The following CSMD1 variants were observed in gnomAD, a reference collection of about 807,000 sequenced individuals.
CSMD1 encodes CUB and sushi domain-containing protein 1.
In CSMD1, 213 loss-of-function variants were observed where a neutral mutation model predicts 417.5. The ratio of observed to expected loss-of-function variants is 0.51; its 90% confidence interval spans 0.46 to 0.57. The LOEUF (loss-of-function observed/expected upper bound fraction) is 0.57, where lower values mean the gene tolerates loss of function less well. Ranked by LOEUF, CSMD1 falls within the 20% of genes least tolerant of loss-of-function variation. The pLI is 0.00. For synonymous variants in CSMD1, 2,862 were observed against 1,736.8 expected (o/e 1.65, Z -16.11); for missense variants, 6,923 against 4,529.7 (o/e 1.53, Z -15.17).
At chr8:4,110,317 A>C (rs893003456) in intron 3 of CSMD1, among the ~76,000 whole-genome samples, 34 of 152,124 alleles carry the variant, frequency 2.2e-4, no homozygotes, top group African/African-American at 8.0e-4. Flanking sequence ...ATTTCCCAGG[A>C]ACTTGTGAAT....
chr8:3,670,571 T>C (rs985335147), intron 7 of CSMD1, among the ~76,000 whole-genome samples: 1 of 147,024 alleles, frequency 6.8e-6, no homozygotes, highest in African/African-American at 2.5e-5. Flanking sequence ...GCGATATATA[T>C]ATATGGGATA....
At chr8:3,379,245 A>G (rs1810489054) in intron 18 of CSMD1, among the ~76,000 whole-genome samples, 1 of 152,218 alleles carries the variant, frequency 6.6e-6, no homozygotes, top group African/African-American at 2.4e-5. Flanking sequence ...AGGAAATAAG[A>G]GAGGACACAA....
chr8:4,205,309 A>G (rs761996970), intron 3 of CSMD1, among the ~76,000 whole-genome samples: 1 of 152,210 alleles, frequency 6.6e-6, no homozygotes, highest in Non-Finnish European at 1.5e-5. Flanking sequence ...GATTATTGTT[A>G]TTTACTCAGA....
intron 3 of CSMD1, among the ~76,000 whole-genome samples, chr8:4,150,891 G>C (rs7813436): frequency 0.99 from 150,612 of 152,250 alleles, 74,511 homozygotes; most frequent in Middle Eastern, 1. Flanking sequence ...AGAAACGCCT[G>C]AGAAAGAGCA....
intron 1 of CSMD1, among the ~76,000 whole-genome samples, chr8:4,820,274 G>T (rs533251783): frequency 2.0e-4 from 30 of 152,258 alleles, no homozygotes; most frequent in South Asian, 1.5e-3. Context: ...ACTACAGACT[G>T]CCAGGAACAC....
intron 3 of CSMD1, among the ~76,000 whole-genome samples, chr8:4,345,771 G>A (rs780303870): frequency 4.6e-5 from 7 of 152,010 alleles, no homozygotes; most frequent in Non-Finnish European, 1.0e-4. Flanking sequence ...TCTCAACCCC[G>A]TTAAAATGCT....
chr8:3,591,966 G>C lies in CSMD1; in HGVS notation c.1098-5706C>G, dbSNP rs543134085. ...ACACAGATGCATGGATAGATGAATG[G>C]ATGGAAAGATAGATTGATAGATAAA... is the stretch of plus-strand genomic sequence containing the variant. On this transcript the variant is annotated intron_variant, in intron 8 of 69. Coordinates refer to ENST00000635120, the MANE Select transcript of CSMD1 (RefSeq NM_033225.6). 2.1e-4 allele frequency among the ~76,000 whole-genome samples: 32 copies of C among 152,244 alleles called. No homozygotes were observed. The East Asian group carries it at 3.1e-3, about 15-fold the overall frequency.
intron 1 of CSMD1, among the ~76,000 whole-genome samples, chr8:4,643,640 G>C (rs1000496168): frequency 4.6e-5 from 7 of 152,340 alleles, no homozygotes; most frequent in East Asian, 1.9e-4. Context: ...TTGAAATAGT[G>C]AGAGGCCTCA....
intron 4 of CSMD1, 91 bp from the exon 5 acceptor site, chr8:3,998,201 CA>C: frequency 8.5e-7 from 1 of 1,176,294 alleles, no homozygotes; most frequent in Admixed American, 2.5e-5. Context: ...TGATCAGCGA[CA>C]AATATTTTCT....
intron 11 of CSMD1, among the ~76,000 whole-genome samples, chr8:3,487,490 C>A (rs538244992): frequency 6.6e-6 from 1 of 152,312 alleles, no homozygotes; most frequent in Non-Finnish European, 1.5e-5. Context: ...CATGAGCCAC[C>A]ATGCCCGGCC....
In CSMD1 at chr8:4,242,332, A is replaced by G. The variant is rs958968661; in HGVS notation, c.415+177621T>C. ...GTGTAATTACAAGTGATTAGTAAAC[A>G]TGAAAATTTGCAACCTCCCTAAGTA... On this transcript the variant is annotated intron_variant, in intron 3 of 69. Transcript: ENST00000635120. 1.1e-4 allele frequency among the ~76,000 whole-genome samples: 17 copies of G among 152,188 alleles called. 1 individual carries two copies. The highest frequency in any genetic ancestry group is 3.9e-4 in the African/African-American group (16 of 41,456).
At chr8:3,955,027 T>C (rs1040548450) in intron 5 of CSMD1, among the ~76,000 whole-genome samples, 1 of 152,236 alleles carries the variant, frequency 6.6e-6, no homozygotes, top group Non-Finnish European at 1.5e-5. Context: ...TCCTTTGCAC[T>C]GCTAATTTAT....
At chr8:4,739,855 C>T (rs879250187) in intron 1 of CSMD1, among the ~76,000 whole-genome samples, 1 of 152,166 alleles carries the variant, frequency 6.6e-6, no homozygotes, top group Non-Finnish European at 1.5e-5. Context: ...ACCGTTCCTA[C>T]TCTTCCCAGA....
chr8:4,730,635 G>A (rs1221192843), intron 1 of CSMD1, among the ~76,000 whole-genome samples: 2 of 152,038 alleles, frequency 1.3e-5, no homozygotes, highest in Non-Finnish European at 2.9e-5. Context: ...CAGCTACTCG[G>A]GAGGCTGAGA....
chr8:3,840,446 G>A (rs574406036), intron 5 of CSMD1, among the ~76,000 whole-genome samples: 6 of 152,102 alleles, frequency 3.9e-5, no homozygotes, highest in Admixed American at 3.9e-4. Context: ...AGTAGCAAGA[G>A]TACCTCTTGC....
At chr8:4,876,207 AC>A (rs1233022153) in intron 1 of CSMD1, among the ~76,000 whole-genome samples, 1 of 152,084 alleles carries the variant, frequency 6.6e-6, no homozygotes, top group African/African-American at 2.4e-5. Context: ...TATGTAGGCC[AC>A]TTTTGGAGCT....
intron 3 of CSMD1, among the ~76,000 whole-genome samples, chr8:4,386,796 A>G (rs1380512599): frequency 6.6e-5 from 10 of 152,210 alleles, no homozygotes; most frequent in Non-Finnish European, 1.2e-4. Context: ...GATACAATAA[A>G]AAAATATTCT....
At chr8:3,087,401 G>A (rs557521115) in intron 48 of CSMD1, 116 bp from the exon 49 acceptor site, 61 of 1,055,858 alleles carry the variant, frequency 5.8e-5, no homozygotes, top group Non-Finnish European at 8.3e-5. Context: ...GGTAGGAAAT[G>A]AGCACCAGTA....
intron 2 of CSMD1, among the ~76,000 whole-genome samples, chr8:4,513,742 TG>T (rs1247514187): frequency 1.3e-5 from 2 of 152,210 alleles, no homozygotes; most frequent in African/African-American, 4.8e-5. Context: ...CTTGCTACTT[TG>T]GCAAAAATAC....
Sources: allele counts gnomAD v4.1 joint callset (sites outside exome capture counted in the v4.1 genomes callset), GRCh38; gene constraint gnomAD v4.1.1; transcripts MANE v1.5; gene names NCBI Gene and HGNC (gene_info 2026-07-23, HGNC 2026-07-21).